AMOTL1: variants seen among roughly 807,000 people sequenced by gnomAD.
The protein encoded by AMOTL1 is angiomotin like 1.
Under a neutral mutation model 102.9 loss-of-function variants are expected in AMOTL1, and 45 were observed. That is an observed-to-expected ratio of 0.44 (90% CI 0.34 to 0.56). The LOEUF (loss-of-function observed/expected upper bound fraction) is 0.56, where lower values mean the gene tolerates loss of function less well. AMOTL1 is among the 20% of genes least tolerant of loss of function. AMOTL1 has a pLI of 0.01. For synonymous variants in AMOTL1, 481 were observed against 484.7 expected, an observed-to-expected ratio of 0.99 and a Z score of 0.10; for missense variants, 1,114 against 1,225.6, an observed-to-expected ratio of 0.91 and a Z score of 1.36.
chr11:94,789,951 A>G (rs1258900257), intron 1 of AMOTL1, among the ~76,000 whole-genome samples: 1 of 152,204 alleles, frequency 6.6e-6, no homozygotes, highest in Non-Finnish European at 1.5e-5. Flanking sequence ...CGTTGGTGAC[A>G]TAACACCTGG....
chr11:94,840,687 C>T (rs867915029), intron 6 of AMOTL1, among the ~76,000 whole-genome samples: 1,945 of 132,494 alleles, frequency 0.015, 20 homozygotes, highest in African/African-American at 0.031. Context: ...TATATACACA[C>T]ACACACACAC....
chr11:94,858,322 T>C (rs773025670), intron 8 of AMOTL1, among the ~76,000 whole-genome samples: 1 of 152,220 alleles, frequency 6.6e-6, no homozygotes, highest in Non-Finnish European at 1.5e-5. Context: ...TGTTGGTCAC[T>C]GGCAAGATAA....
At chr11:94,838,281 T>G (rs1216721895) in intron 6 of AMOTL1, among the ~76,000 whole-genome samples, 1 of 152,242 alleles carries the variant, frequency 6.6e-6, no homozygotes, top group African/African-American at 2.4e-5. Flanking sequence ...GCCTGGCACT[T>G]AGAGGCATTT....
At chr11:94,858,318 T>C (rs1261442241) in intron 8 of AMOTL1, among the ~76,000 whole-genome samples, 3 of 152,200 alleles carry the variant, frequency 2.0e-5, no homozygotes, top group African/African-American at 7.2e-5. Flanking sequence ...ATAATGTTGG[T>C]CACTGGCAAG....
At chr11:94,733,730 A>T (rs1487853181) in intron 2 of AMOTL1, among the ~76,000 whole-genome samples, 1 of 152,256 alleles carries the variant, frequency 6.6e-6, no homozygotes, top group Non-Finnish European at 1.5e-5. Flanking sequence ...CAATTGCAGC[A>T]AATGTTTTTG....
chr11:94,724,777 G>C (rs1014732259), intron 1 of AMOTL1, among the ~76,000 whole-genome samples: 11 of 152,086 alleles, frequency 7.2e-5, no homozygotes, highest in African/African-American at 2.7e-4. Flanking sequence ...ATTCATTTTT[G>C]TATGTCAGTA....
intron 3 of AMOTL1, among the ~76,000 whole-genome samples, chr11:94,743,331 T>C (rs1950550934): frequency 6.6e-6 from 1 of 152,218 alleles, no homozygotes; most frequent in Non-Finnish European, 1.5e-5. Flanking sequence ...TTTATATTCA[T>C]GTGCTGTGCT....
chr11:94,770,457 G>T (rs1182169125), intron 1 of AMOTL1, among the ~76,000 whole-genome samples: 1 of 152,112 alleles, frequency 6.6e-6, no homozygotes, highest in African/African-American at 2.4e-5. Flanking sequence ...TGGTGGTGGG[G>T]GTTGGGGGGA....
At chr11:94,832,372 G>A (rs865940966) in intron 6 of AMOTL1, among the ~76,000 whole-genome samples, 4 of 152,142 alleles carry the variant, frequency 2.6e-5, no homozygotes, top group African/African-American at 4.8e-5. Context: ...TGATGTGTGG[G>A]TTCCTCAGTG....
At chr11:94,732,954 T>C (rs1950377624) in intron 2 of AMOTL1, among the ~76,000 whole-genome samples, 2 of 152,234 alleles carry the variant, frequency 1.3e-5, no homozygotes, top group African/African-American at 4.8e-5. Context: ...GTTTTAACAC[T>C]GGTCAAGGAG....
rs1029477822 is a variant in AMOTL1, at chr11:94,726,207, C to A, written c.-50-2714C>A. Among the ~76,000 whole-genome samples, 5 of 152,138 alleles carry A rather than the reference C, an allele frequency of 3.3e-5. No individual in the cohort carries two copies. In the East Asian group the frequency reaches 9.7e-4, roughly 29 times the overall value. ...TCAGTTTCAGGAGAGTTCTGGTCTA[C>A]GGGTTTTAACAGGAGAGTTAAACCT... On this transcript the variant is annotated intron_variant, in intron 1 of 4. Transcript: ENST00000299004.
intron 2 of AMOTL1, among the ~76,000 whole-genome samples, chr11:94,739,093 T>C (rs1950481047): frequency 6.6e-6 from 1 of 152,172 alleles, no homozygotes; most frequent in South Asian, 2.1e-4. Context: ...AGAGGATCCA[T>C]AGATGGCTGA....
At chr11:94,865,563 C>T (rs55826544) in intron 10 of AMOTL1, among the ~76,000 whole-genome samples, 9,372 of 152,204 alleles carry the variant, frequency 0.062, 527 homozygotes, top group African/African-American at 0.14. Flanking sequence ...TTGACTTTAG[C>T]TGAAAGCTCA....
intron 1 of AMOTL1, among the ~76,000 whole-genome samples, chr11:94,793,271 C>T (rs1048559009): frequency 3.3e-5 from 5 of 152,138 alleles, no homozygotes; most frequent in Non-Finnish European, 7.3e-5. Flanking sequence ...GCTCTCAACT[C>T]CTCTCTTACT....
rs1953047713 is a variant in AMOTL1, at chr11:94,873,781, A to ACACACACACG, written c.*2995_*2996insGCACACACAC. 1 of 119,448 alleles carries ACACACACACG rather than the reference A, an allele frequency of 8.4e-6. No homozygotes were observed. The highest frequency in any genetic ancestry group is 1.6e-5 in the Non-Finnish European group (1 of 60,638). The allele number at this position is 119,448 out of a possible 1,614,324, so 7.4% of individuals were successfully genotyped here. ...TGTGTGTGTGCACGTGTAACTACAC[A>ACACACACACG]CACACACACACACACACACACACAC... On this transcript the variant is annotated 3_prime_UTR_variant, in exon 13 of 13. Coordinates refer to ENST00000433060, the MANE Select transcript of AMOTL1 (RefSeq NM_130847.3).
At chr11:94,818,238 G>A (rs1186195435) in intron 3 of AMOTL1, among the ~76,000 whole-genome samples, 1 of 152,120 alleles carries the variant, frequency 6.6e-6, no homozygotes, top group African/African-American at 2.4e-5. Context: ...AAAACCCTTT[G>A]GGAAAGCTGG....
intron 3 of AMOTL1, among the ~76,000 whole-genome samples, chr11:94,751,083 T>A (rs1458784721): frequency 1.3e-5 from 2 of 152,142 alleles, no homozygotes; most frequent in Non-Finnish European, 2.9e-5. Flanking sequence ...ATGTACAAGT[T>A]GGTCTCCTCC....
intron 6 of AMOTL1, among the ~76,000 whole-genome samples, chr11:94,840,681 T>TATATATATATATACACAC (rs1166713705): frequency 4.8e-5 from 5 of 104,784 alleles, no homozygotes; most frequent in South Asian, 6.8e-4. Flanking sequence ...TATATATATA[T>TATATATATATATACACAC]ACACACACAC....
At chr11:94,802,039 C>T (rs1041789596) in intron 3 of AMOTL1, among the ~76,000 whole-genome samples, 1 of 152,178 alleles carries the variant, frequency 6.6e-6, no homozygotes, top group Admixed American at 6.5e-5. Flanking sequence ...GTGGCCTGAT[C>T]TGCCACTGGC....
Sources: gnomAD v4.1 joint callset for allele counts (sites outside exome capture counted in the v4.1 genomes callset) on GRCh38, gnomAD v4.1.1 for gene constraint, MANE v1.5 for transcripts, NCBI Gene and HGNC (gene_info 2026-07-23, HGNC 2026-07-21) for gene names.